Variants in HTT observed in about 807,000 individuals in gnomAD.
The protein encoded by HTT is huntington disease protein.
Under a neutral mutation model 362.3 loss-of-function variants are expected in HTT, and 104 were observed. The ratio of observed to expected loss-of-function variants is 0.29; its 90% CI spans 0.24 to 0.34. HTT has a LOEUF of 0.34. Ranked by LOEUF, HTT falls within the 10% of genes least tolerant of loss-of-function variation. The probability of loss-of-function intolerance (pLI) is 1.00; values close to 1 mark genes in which losing one functional copy is unlikely to be tolerated. For missense variants in HTT, 3,301 were observed against 3,928.6 expected, an observed-to-expected ratio of 0.84 and a Z score of 4.27; for synonymous variants, 1,577 against 1,548.7, an observed-to-expected ratio of 1.02 and a Z score of -0.43.
chr4:3,107,452 T>C (rs1407154477), intron 6 of HTT, 29 bp downstream of exon 6: 1 of 1,612,296 alleles, frequency 6.2e-7, no homozygotes, highest in Non-Finnish European at 8.5e-7. Flanking sequence ...GTCACAAACA[T>C]GCGAGTGATG....
intron 61 of HTT, among the ~76,000 whole-genome samples, chr4:3,234,458 A>G (rs1578615958): frequency 6.6e-6 from 1 of 152,360 alleles, no homozygotes; most frequent in Admixed American, 6.5e-5. Context: ...AATCAGGCAC[A>G]TATGTTGGTG....
rs574117938 is a variant in HTT at position 3,172,027 on chromosome 4, C to T, written c.3865-293C>T. Among the ~76,000 whole-genome samples, 10 of 152,180 alleles carry T rather than the reference C, an allele frequency of 6.6e-5. No homozygotes were observed. The East Asian group carries it at 1.2e-3, about 18-fold the overall frequency. On this transcript the variant is annotated intron_variant, in intron 29 of 66. Coordinates refer to ENST00000355072, the MANE Select transcript of HTT (RefSeq NM_001388492.1). ...TGCACACTTCTGAATTCCTGCCCTG[C>T]GAACAGGACTGGATACCTAATAGAC...
chr4:3,169,721 G>GT (rs1189156201), intron 29 of HTT, among the ~76,000 whole-genome samples: 9 of 151,854 alleles, frequency 5.9e-5, no homozygotes, highest in Non-Finnish European at 1.3e-4. Context: ...CTATAGGCAC[G>GT]TGCCACCACA....
In HTT at chr4:3,206,446, G is replaced by A. The variant is rs770162619; in HGVS notation, c.5719-50G>A. 3 of 1,447,454 alleles carry A rather than the reference G, an allele frequency of 2.1e-6. No homozygotes were observed. The highest frequency in any genetic ancestry group is 1.7e-5 in the Admixed American group (1 of 59,204). 89.7% of individuals were successfully genotyped at this position (1,447,454 alleles called of 1,614,324 possible). A position where few individuals can be genotyped will look rare whatever the true frequency, so the allele number is the denominator to read the frequency against. On this transcript the variant is annotated intron_variant, in intron 42 of 66. Transcript: ENST00000355072. This position sits in a 1 kb window ranked among gnomAD's most constrained non-coding sequence, Gnocchi z 4.6. ...GGCCTTTCTATGGCATTAATACCTG[G>A]TCTCTTCTTGTGTACTTGAAAATGA...
chr4:3,207,938 G>T (rs1719945409), intron 45 of HTT, among the ~76,000 whole-genome samples: 1 of 152,046 alleles, frequency 6.6e-6, no homozygotes, highest in African/African-American at 2.4e-5. Context: ...GCGGGGCGGG[G>T]TGGGGGGCAG....
chr4:3,223,900 C>T (rs1720790755), intron 55 of HTT, 92 bp from the exon 56 acceptor site: 3 of 1,391,172 alleles, frequency 2.2e-6, no homozygotes, highest in South Asian at 1.2e-5. Context: ...CACCAGGTTC[C>T]TTTAGGCAAA....
chr4:3,113,086 C>T (rs1714844473), intron 6 of HTT: 1 of 884,524 alleles, frequency 1.1e-6, no homozygotes, highest in Non-Finnish European at 1.4e-6. Context: ...GTGGCACTAT[C>T]TATTCTAAAA....
chr4:3,148,455 C>T (rs1159974090), intron 26 of HTT, among the ~76,000 whole-genome samples: 1 of 151,994 alleles, frequency 6.6e-6, no homozygotes, highest in Non-Finnish European at 1.5e-5. Flanking sequence ...AGTTCGAGAC[C>T]AGCCTGGGCA....
At chr4:3,211,858 G>T in intron 47 of HTT, 71 bp from the exon 48 acceptor site, 17 of 1,107,104 alleles carry the variant, frequency 1.5e-5, no homozygotes, top group Admixed American at 1.3e-4. Flanking sequence ...TTTCTGTTGT[G>T]TTTTTCTTAC....
rs778744731 is a variant in HTT at position 3,125,537 on chromosome 4, A to G, written c.1322-12A>G. The stretch of plus-strand genomic sequence containing the variant: ...AGCAAACTAAAAGGAATGTTGGTAC[A>G]TTATTTACTAGGCAAAGTGCTCTTA... On this transcript the variant is annotated splice_polypyrimidine_tract_variant and intron_variant, in intron 10 of 66. Coordinates refer to ENST00000355072, the MANE Select transcript of HTT (RefSeq NM_001388492.1). The G allele has an allele frequency of 6.3e-6, 10 of 1,599,488 alleles. No individual in the cohort carries two copies. In the East Asian group the frequency reaches 2.0e-4, roughly 32 times the overall value.
intron 28 of HTT, among the ~76,000 whole-genome samples, chr4:3,159,231 T>C (rs959737541): frequency 5.3e-5 from 8 of 152,226 alleles, no homozygotes; most frequent in Admixed American, 5.2e-4. Flanking sequence ...ACAGAACTTT[T>C]GCAGCTCTTC....
chr4:3,124,072 T>C (rs1715412748), intron 10 of HTT, among the ~76,000 whole-genome samples: 1 of 152,226 alleles, frequency 6.6e-6, no homozygotes, highest in Non-Finnish European at 1.5e-5. Flanking sequence ...TTAAGAGAAC[T>C]TGGAATCTAT....
In HTT at chr4:3,095,496, G is replaced by A. The variant is rs564579957; in HGVS notation, c.348-3778G>A. 8.5e-5 allele frequency among the ~76,000 whole-genome samples: 13 copies of A among 152,332 alleles called. No homozygotes were observed. The East Asian group carries it at 1.7e-3, about 20-fold the overall frequency. ...TGGCAGTACAGTCCAGCCTTGGCTC[G>A]GCATCAGAGGGAGACTGTGCGAGGG... is the stretch of plus-strand genomic sequence containing the variant. On this transcript the variant is annotated intron_variant, in intron 2 of 66. Coordinates refer to ENST00000355072, the MANE Select transcript of HTT (RefSeq NM_001388492.1).
At chr4:3,195,442 C>A (rs1050064188) in intron 40 of HTT, among the ~76,000 whole-genome samples, 1 of 152,132 alleles carries the variant, frequency 6.6e-6, no homozygotes, top group African/African-American at 2.4e-5. Flanking sequence ...GCACTGCCAT[C>A]GTGGTCTCCG....
chr4:3,234,008 A>G (rs535188945), intron 61 of HTT, among the ~76,000 whole-genome samples: 1 of 152,312 alleles, frequency 6.6e-6, no homozygotes, highest in South Asian at 2.1e-4. Context: ...GGAGGGTGGA[A>G]TTTCATCAGC....
In HTT at chr4:3,236,656, G is replaced by C. The variant is rs1315736648; in HGVS notation, c.8891+402G>C. On this transcript the variant is annotated intron_variant, in intron 64 of 66. Coordinates refer to ENST00000355072, the MANE Select transcript of HTT (RefSeq NM_001388492.1). ...GAGGGGAGCCCACGGGGCTGTGGGA[G>C]GGGGGCCGTGGTGCCTGTGAGCAGG... Among the ~76,000 whole-genome samples, 3 of 152,312 alleles carry C rather than the reference G, an allele frequency of 2.0e-5. No homozygotes were observed. The East Asian group carries it at 5.8e-4, about 29-fold the overall frequency.
chr4:3,156,344 T>C (rs562368382), intron 27 of HTT, among the ~76,000 whole-genome samples: 47 of 152,308 alleles, frequency 3.1e-4, no homozygotes, highest in South Asian at 1.7e-3. Flanking sequence ...GGTCTCGAAC[T>C]CCTGACCTCA....
intron 1 of HTT, among the ~76,000 whole-genome samples, chr4:3,075,647 C>CG (rs1560535774): frequency 0.051 from 3,150 of 61,380 alleles, 132 homozygotes; most frequent in African/African-American, 0.1. Flanking sequence ...AGTGGCGGGG[C>CG]AGGGGGGGGG....
In HTT at chr4:3,211,974, A is replaced by C; in HGVS notation, c.6460A>C (p.Ser2154Arg). 2 of 1,614,172 alleles carry C rather than the reference A, an allele frequency of 1.2e-6. No individual in the cohort carries two copies. The highest frequency in any genetic ancestry group is 1.7e-6 in the Non-Finnish European group (2 of 1,180,016). The part of the protein sequence containing the change: ...LLAPCLSLGM[S>R]EISGGQKSAL... ...AGCTCCATGCTTAAGCCTAGGGATG[A>C]GTGAAATTTCTGGTGGCCAGAAGAG... The change falls in exon 48 of 67, where the codon AGT becomes CGT. Residue 2154 changes from serine to arginine, a missense_variant. Ser to Arg is a moderately radical substitution (Grantham distance 110, BLOSUM62 -1). Transcript: ENST00000355072.
Sources: allele counts gnomAD v4.1 joint callset (sites outside exome capture counted in the v4.1 genomes callset), GRCh38; gene constraint gnomAD v4.1.1; non-coding constraint Gnocchi (gnomAD v3.1); transcripts MANE v1.5; gene names NCBI Gene and HGNC (gene_info 2026-07-23, HGNC 2026-07-21).